Variants in KAT6B observed in about 807,000 individuals in gnomAD.
The protein encoded by KAT6B is histone acetyltransferase KAT6B.
A neutral mutation model predicts 187.5 loss-of-function variants in KAT6B; 10 were observed. The ratio of observed to expected loss-of-function variants is 0.05; its 90% CI spans 0.03 to 0.09. The LOEUF (loss-of-function observed/expected upper bound fraction) is 0.09, where lower values mean the gene tolerates loss of function less well. Ranked by LOEUF, KAT6B falls within the 10% of genes least tolerant of loss-of-function variation. The pLI is 1.00. For synonymous variants in KAT6B, 861 were observed against 926.8 expected (o/e 0.93, Z 1.29); for missense variants, 1,952 against 2,558.9 (o/e 0.76, Z 5.12).
chr10:74,919,357 C>T (rs1326267850), intron 3 of KAT6B, among the ~76,000 whole-genome samples: 3 of 152,058 alleles, frequency 2.0e-5, no homozygotes, highest in East Asian at 1.9e-4. Context: ...CAGGAAAATT[C>T]GCAGCCATTA....
intron 13 of KAT6B, 39 bp from the exon 14 acceptor site, chr10:75,020,543 G>A: frequency 7.2e-7 from 1 of 1,392,930 alleles, no homozygotes; most frequent in Non-Finnish European, 1.0e-6. Context: ...CTCTGGGAAT[G>A]CCACAGTGAG....
rs537244464 is a variant in KAT6B, at chr10:75,022,144, A to G, written c.3285A>G (p.Glu1095=). The G allele has an allele frequency of 6.3e-7, 1 of 1,581,720 alleles. No homozygotes were observed. Among genetic ancestry groups the G allele is most frequent in the Non-Finnish European group, 8.5e-7 (1 of 1,174,234 alleles). ...EEEEEDEEEE[E]EEEEEEEEEN... is the part of the protein sequence containing the mutation. ...AGGAAGAGGATGAAGAGGAGGAAGA[A>G]GAGGAAGAAGAAGAAGAAGAAGAAG... The change falls in exon 16 of 18, where the codon GAA becomes GAG. Residue 1095 remains glutamate (E), a synonymous_variant. Coordinates refer to ENST00000287239, the MANE Select transcript of KAT6B (RefSeq NM_012330.4).
intron 8 of KAT6B, 100 bp from the exon 9 acceptor site, chr10:74,977,216 T>C: frequency 7.8e-7 from 1 of 1,289,508 alleles, no homozygotes; most frequent in Non-Finnish European, 1.1e-6. Context: ...AAAAAATCCC[T>C]ATTTGCCCAG....
At position 74,855,561 on chromosome 10, in the gene KAT6B, G is replaced by A. The variant is rs144322477; in HGVS notation, c.621+12083G>A. ...AACAAAACCCAGCTTTAGCTGTTGA[G>A]CCTTGAGTTGTGAGTAAAGCAGCAG... On this transcript the variant is annotated intron_variant, in intron 3 of 17. Coordinates refer to ENST00000287239, the MANE Select transcript of KAT6B (RefSeq NM_012330.4). Among the ~76,000 whole-genome samples, 76 of 152,280 alleles carry A rather than the reference G, an allele frequency of 5.0e-4. 1 individual carries two copies. In the East Asian group the frequency reaches 0.013, roughly 25 times the overall value.
At chr10:74,824,950 C>T (rs1313781440), upstream of KAT6B, among the ~76,000 whole-genome samples, 1 of 152,054 alleles carries the variant, frequency 6.6e-6, no homozygotes, top group Non-Finnish European at 1.5e-5. Context: ...CGCGGCTGAG[C>T]TCGCCAGCTC....
chr10:74,853,773 A>C (rs1382674036), intron 3 of KAT6B, among the ~76,000 whole-genome samples: 1 of 151,726 alleles, frequency 6.6e-6, no homozygotes, highest in African/African-American at 2.4e-5. Flanking sequence ...GATTACAGGC[A>C]TGTGCCACCA....
At chr10:74,994,642 C>G (rs1843314170) in intron 13 of KAT6B, among the ~76,000 whole-genome samples, 1 of 151,838 alleles carries the variant, frequency 6.6e-6, no homozygotes, top group Non-Finnish European at 1.5e-5. Context: ...CAAAAATGAG[C>G]CGGGCTTGGT....
intron 13 of KAT6B, among the ~76,000 whole-genome samples, chr10:75,007,623 G>A (rs767207924): frequency 2.0e-5 from 3 of 152,134 alleles, no homozygotes; most frequent in South Asian, 2.1e-4. Flanking sequence ...TGGAGTAGCC[G>A]GCAAACTTCT....
chr10:74,838,304 C>CT (rs759675954), intron 1 of KAT6B, among the ~76,000 whole-genome samples: 31 of 152,152 alleles, frequency 2.0e-4, no homozygotes, highest in African/African-American at 5.3e-4. Context: ...TTTTGACTGT[C>CT]TTTTTTTCTG....
At chr10:74,974,789 A>T (rs1467518588) in intron 7 of KAT6B, among the ~76,000 whole-genome samples, 1 of 152,126 alleles carries the variant, frequency 6.6e-6, no homozygotes, top group Non-Finnish European at 1.5e-5. Flanking sequence ...TTTATGCTGT[A>T]GTTAATTGTC....
chr10:74,929,300 C>T (rs1848706506), intron 3 of KAT6B, among the ~76,000 whole-genome samples: 3 of 152,214 alleles, frequency 2.0e-5, no homozygotes, highest in South Asian at 2.1e-4. Context: ...AAATACTGGC[C>T]GCCTGAGTTC....
At chr10:74,984,472 AATC>A (rs1842705033) in intron 11 of KAT6B, 1 of 153,506 alleles carries the variant, frequency 6.5e-6, no homozygotes, top group Admixed American at 6.5e-5. Context: ...AGTAGACTGT[AATC>A]ATAGTGCTTA....
At chr10:74,906,831 T>C (rs564104943) in intron 3 of KAT6B, among the ~76,000 whole-genome samples, 1 of 152,314 alleles carries the variant, frequency 6.6e-6, no homozygotes, top group East Asian at 1.9e-4. Context: ...GCTGGGCCTT[T>C]CTGGAGCGTC....
Position 74,907,092 on chromosome 10 carries a change from G to A in KAT6B, c.622-52878G>A, listed in dbSNP as rs758041718. 6.2e-4 allele frequency among the ~76,000 whole-genome samples: 94 copies of A among 152,176 alleles called. 1 individual carries two copies. Among genetic ancestry groups the A allele is most frequent in the Non-Finnish European group, 1.8e-4 (12 of 68,034 alleles). Reference sequence around the variant, plus strand: ...AAGCAGGATATTTAAGTTCTGCAGCGGGTGGGCTGCAAGTGGTAGAAATAG... The same window carrying A: ...AAGCAGGATATTTAAGTTCTGCAGCAGGTGGGCTGCAAGTGGTAGAAATAG... On this transcript the variant is annotated intron_variant, in intron 3 of 17. Coordinates refer to ENST00000287239, the MANE Select transcript of KAT6B (RefSeq NM_012330.4).
At chr10:74,891,838 A>T (rs1467811597) in intron 3 of KAT6B, among the ~76,000 whole-genome samples, 1 of 152,214 alleles carries the variant, frequency 6.6e-6, no homozygotes, top group African/African-American at 2.4e-5. Flanking sequence ...GTTTTGACAG[A>T]TATTCTCAGT....
intron 9 of KAT6B, 130 bp downstream of exon 9, chr10:74,977,567 G>A: frequency 8.5e-7 from 1 of 1,169,706 alleles, no homozygotes; most frequent in Non-Finnish European, 1.3e-6. Flanking sequence ...CCGTTATCAT[G>A]CCCATTTCTA....
intron 3 of KAT6B, among the ~76,000 whole-genome samples, chr10:74,899,248 A>AATTATTATTATTATTATT (rs67324777): frequency 2.8e-5 from 4 of 142,334 alleles, no homozygotes; most frequent in East Asian, 2.0e-4. Flanking sequence ...ATTCTAAATG[A>AATTATTATTATTATTATT]ATTATTATTA....
chr10:74,929,134 A>T (rs1019958601), intron 3 of KAT6B, among the ~76,000 whole-genome samples: 1 of 152,188 alleles, frequency 6.6e-6, no homozygotes, highest in Non-Finnish European at 1.5e-5. Context: ...AGCTTCCAGG[A>T]TTTATGCCTG....
At position 74,981,852 on chromosome 10, in the gene KAT6B, G is replaced by C. The variant is rs1264201993; in HGVS notation, c.2297G>C (p.Arg766Thr). The C allele has an allele frequency of 1.9e-6, 3 of 1,599,200 alleles. No homozygotes were observed. The highest frequency in any genetic ancestry group is 1.7e-6 in the Non-Finnish European group (2 of 1,166,562). ...ATGAAAAGTAAAAATATTTTGCTAA[G>C]ACACTCCAAGAAGTGTGGATGGTTT... The part of the protein sequence containing the change: ...KYMKSKNILL[R>T]HSKKCGWFHP... Residue 766 changes from arginine (R) to threonine (T), a missense_variant, in exon 11 of 18, where the codon AGA becomes ACA. Transcript: ENST00000287239.
Sources: allele counts gnomAD v4.1 joint callset (sites outside exome capture counted in the v4.1 genomes callset), GRCh38; gene constraint gnomAD v4.1.1; transcripts MANE v1.5; gene names NCBI Gene and HGNC (gene_info 2026-07-23, HGNC 2026-07-21).